SLC15A2: variants seen among roughly 807,000 people sequenced by gnomAD.
The protein encoded by SLC15A2 is kidney H(+)/peptide cotransporter.
A neutral mutation model predicts 95.5 loss-of-function variants in SLC15A2; 77 were observed. That is an observed-to-expected ratio of 0.81 (90% confidence interval 0.67 to 0.97). SLC15A2 has a LOEUF of 0.97. Among genes scored for constraint, SLC15A2 ranks in the 50% least tolerant of loss-of-function variants. The pLI is 0.00. For missense variants in SLC15A2, 893 were observed against 874.4 expected (o/e 1.02, Z -0.27); for synonymous variants, 306 against 306.9 (o/e 1.00, Z 0.03).
rs557003020 is a variant in SLC15A2 at position 121,917,138 on chromosome 3, T to C, written c.697+1445T>C. On this transcript the variant is annotated intron_variant, in intron 7 of 21. Coordinates refer to ENST00000489711, the MANE Select transcript of SLC15A2 (RefSeq NM_021082.4). ...CCCAGCCAATTAATTTATTTTTTCA[T>C]TCACTCATTTTTTTAACCAACATTT... Among the ~76,000 whole-genome samples, 11 of 152,292 alleles carry C rather than the reference T, an allele frequency of 7.2e-5. No homozygotes were observed. In the South Asian group the frequency reaches 2.1e-3, roughly 29 times the overall value.
rs138183867 is a variant in SLC15A2 at position 121,940,983 on chromosome 3, A to G, written c.2166A>G (p.Leu722=). ...IPHIQGNMIK[L]ETKKTKL ...ACATCCAGGGGAACATGATCAAACT[A>G]GAGACCAAGAAGACAAAACTCTGAT... Residue 722 remains leucine, a synonymous_variant, in exon 22 of 22, where the codon CTA becomes CTG. Transcript: ENST00000489711. 6.1e-5 allele frequency: 98 copies of G among 1,613,836 alleles called. No individual in the cohort carries two copies. In the African/African-American group the frequency reaches 9.6e-4, roughly 16 times the overall value.
intron 6 of SLC15A2, 44 bp downstream of exon 6, chr3:121,915,361 T>C (rs1709872017): frequency 7.3e-7 from 1 of 1,379,040 alleles, no homozygotes; most frequent in Non-Finnish European, 1.0e-6. Flanking sequence ...TTTGCTCTGG[T>C]CAGCCAAAAA....
chr3:121,933,381 G>A (rs1710271714), intron 19 of SLC15A2, among the ~76,000 whole-genome samples: 1 of 149,224 alleles, frequency 6.7e-6, no homozygotes, highest in African/African-American at 2.5e-5. Context: ...CCCACCAACA[G>A]TGTAAAAGTG....
chr3:121,922,750 C>A lies in SLC15A2; in HGVS notation c.781-25C>A, dbSNP rs745408534. On this transcript the variant is annotated intron_variant, in intron 8 of 21. Coordinates refer to ENST00000489711, the MANE Select transcript of SLC15A2 (RefSeq NM_021082.4). ...GAGGATGTTTTTCTCTTTGTCTCTC[C>A]CATGATGTCTACTCTCTGCCCTAGT... 27 of 1,573,406 alleles carry A rather than the reference C, an allele frequency of 1.7e-5. No individual in the cohort carries two copies. The African/African-American group carries it at 3.5e-4, about 21-fold the overall frequency.
intron 3 of SLC15A2, among the ~76,000 whole-genome samples, chr3:121,902,088 G>T (rs1365460123): frequency 6.6e-6 from 1 of 152,224 alleles, no homozygotes; most frequent in Admixed American, 6.5e-5. Flanking sequence ...TGCCAGGAAA[G>T]AAGTGAGGCT....
At chr3:121,936,528 T>C (rs1345423087) in intron 19 of SLC15A2, among the ~76,000 whole-genome samples, 1 of 151,942 alleles carries the variant, frequency 6.6e-6, no homozygotes, top group Non-Finnish European at 1.5e-5. Context: ...AATGGCCTTC[T>C]TTGTCTCTTT....
chr3:121,939,321 G>A (rs371046646), intron 19 of SLC15A2, 28 bp from the exon 20 acceptor site: 2 of 1,466,338 alleles, frequency 1.4e-6, no homozygotes, highest in Non-Finnish European at 9.1e-7. Flanking sequence ...CTACTGACAA[G>A]TCCATTTCCA....
chr3:121,928,347 A>G, intron 14 of SLC15A2, 74 bp from the exon 15 acceptor site: 1 of 1,542,744 alleles, frequency 6.5e-7, no homozygotes, highest in East Asian at 2.3e-5. Flanking sequence ...TGTCAGAAAC[A>G]ACTGAGATAT....
At chr3:121,915,439 T>C in intron 6 of SLC15A2, 122 bp downstream of exon 6, 1 of 824,148 alleles carries the variant, frequency 1.2e-6, no homozygotes, top group East Asian at 2.5e-5. Flanking sequence ...GAAAATTTAT[T>C]TTAGTCTTGA....
intron 7 of SLC15A2, among the ~76,000 whole-genome samples, chr3:121,918,280 T>G (rs2107590912): frequency 6.6e-6 from 1 of 152,350 alleles, no homozygotes; most frequent in South Asian, 2.1e-4. Context: ...AGGTTTAATG[T>G]AGTGTTCTGA....
intron 19 of SLC15A2, among the ~76,000 whole-genome samples, chr3:121,933,909 G>A (rs1445297078): frequency 4.7e-5 from 7 of 150,448 alleles, no homozygotes; most frequent in Admixed American, 6.6e-5. Flanking sequence ...TAACGTTTAA[G>A]TCTTTAATCC....
At chr3:121,916,626 A>G (rs531550393) in intron 7 of SLC15A2, among the ~76,000 whole-genome samples, 20 of 152,154 alleles carry the variant, frequency 1.3e-4, no homozygotes, top group Non-Finnish European at 2.5e-4. Context: ...TATTTTCCCA[A>G]ATATTTGCAT....
intron 19 of SLC15A2, among the ~76,000 whole-genome samples, chr3:121,934,424 CCT>C (rs910061399): frequency 5.0e-4 from 76 of 151,270 alleles, no homozygotes; most frequent in Non-Finnish European, 9.6e-4. Context: ...TTGTTTGTAT[CCT>C]CTTTTATTTC....
chr3:121,906,599 A>G (rs1193057865), intron 3 of SLC15A2, among the ~76,000 whole-genome samples: 3 of 152,136 alleles, frequency 2.0e-5, no homozygotes, highest in Non-Finnish European at 2.9e-5. Context: ...AAAGGATTTT[A>G]TTTCTCCTTC....
chr3:121,903,125 T>A (rs1291586081), intron 3 of SLC15A2, among the ~76,000 whole-genome samples: 2 of 152,262 alleles, frequency 1.3e-5, no homozygotes, highest in Non-Finnish European at 2.9e-5. Flanking sequence ...CATTTTTTCA[T>A]GTGTCTGTTG....
At chr3:121,937,558 G>A (rs1048290650) in intron 19 of SLC15A2, among the ~76,000 whole-genome samples, 12 of 150,650 alleles carry the variant, frequency 8.0e-5, no homozygotes, top group Admixed American at 2.6e-4. Flanking sequence ...GGATCGCATC[G>A]GCTCCTGAGG....
At chr3:121,936,698 TG>T (rs1293576538) in intron 19 of SLC15A2, among the ~76,000 whole-genome samples, 6 of 151,324 alleles carry the variant, frequency 4.0e-5, no homozygotes, top group Non-Finnish European at 7.4e-5. Context: ...AGCACACTGA[TG>T]GGTCTTGACT....
intron 3 of SLC15A2, among the ~76,000 whole-genome samples, chr3:121,907,018 G>T (rs1441049148): frequency 6.6e-6 from 1 of 152,028 alleles, no homozygotes; most frequent in Non-Finnish European, 1.5e-5. Context: ...TTTTTACATA[G>T]TCCTATATTT....
At chr3:121,937,670 AT>A (rs1488393064) in intron 19 of SLC15A2, among the ~76,000 whole-genome samples, 2 of 151,820 alleles carry the variant, frequency 1.3e-5, no homozygotes, top group Admixed American at 6.6e-5. Flanking sequence ...ATTCCTCTAA[AT>A]TTTTTTCAAA....
Sources: gnomAD v4.1 joint callset for allele counts (sites outside exome capture counted in the v4.1 genomes callset) on GRCh38, gnomAD v4.1.1 for gene constraint, MANE v1.5 for transcripts, NCBI Gene and HGNC (gene_info 2026-07-23, HGNC 2026-07-21) for gene names.